GPATCH1: variants seen among roughly 807,000 people sequenced by gnomAD.
GPATCH1 encodes G-patch domain containing 1.
In GPATCH1, 73 loss-of-function variants were observed where a neutral mutation model predicts 114.9. The observed-to-expected ratio is 0.64, with a 90% CI of 0.53 to 0.77. The LOEUF (loss-of-function observed/expected upper bound fraction) is 0.77, where lower values mean the gene tolerates loss of function less well. Ranked by LOEUF, GPATCH1 falls within the 30% of genes least tolerant of loss-of-function variation. The pLI is 0.00. For missense variants in GPATCH1, 1,058 were observed against 1,144.3 expected (o/e 0.92, Z 1.09); for synonymous variants, 391 against 428.4 (o/e 0.91, Z 1.08).
chr19:33,085,438 C>T (rs1972525732), intron 1 of GPATCH1, among the ~76,000 whole-genome samples: 1 of 152,112 alleles, frequency 6.6e-6, no homozygotes, highest in South Asian at 2.1e-4. Context: ...ACCACTGCTT[C>T]TAATGACTCG....
At chr19:33,102,397 A>ATTT (rs35403942) in intron 9 of GPATCH1, among the ~76,000 whole-genome samples, 9 of 135,256 alleles carry the variant, frequency 6.7e-5, no homozygotes, top group East Asian at 2.2e-4. Flanking sequence ...TCTAATTTCT[A>ATTT]TTTTTTTTTT....
chr19:33,105,994 G>A (rs1401000073), intron 9 of GPATCH1, among the ~76,000 whole-genome samples: 1 of 150,636 alleles, frequency 6.6e-6, no homozygotes, highest in Admixed American at 6.6e-5. Context: ...GATTACAGGT[G>A]TGCGCTACCA....
At chr19:33,104,045 C>G (rs928503645) in intron 9 of GPATCH1, among the ~76,000 whole-genome samples, 1 of 151,810 alleles carries the variant, frequency 6.6e-6, no homozygotes, top group Non-Finnish European at 1.5e-5. Context: ...ACTTTCAATC[C>G]AAGACTGGGC....
In GPATCH1 at chr19:33,093,395, G is replaced by C; in HGVS notation, c.331G>C (p.Val111Leu). ...ATTTGGGATAGCACCTAAAGCGATTGTCACCACAGACGATTTTGCCTCCAA... is the reference window on the plus strand; with the variant it reads ...ATTTGGGATAGCACCTAAAGCGATTCTCACCACAGACGATTTTGCCTCCAA... ...SEFGIAPKAI[V>L]TTDDFASKTK... Residue 111 changes from valine to leucine, a missense_variant, in exon 4 of 20, where the codon GTC becomes CTC. This residue lies in a region of GPATCH1 where 34 missense variants were observed against 59.6 expected (regional missense o/e 0.57). Transcript: ENST00000170564. The C allele has an allele frequency of 6.2e-7, 1 of 1,613,376 alleles. No individual in the cohort carries two copies. The highest frequency in any genetic ancestry group is 1.1e-5 in the South Asian group (1 of 91,046).
intron 12 of GPATCH1, 80 bp downstream of exon 12, chr19:33,111,982 T>C: frequency 9.0e-7 from 1 of 1,109,012 alleles, no homozygotes; most frequent in South Asian, 1.5e-5. Flanking sequence ...TTCCTTTTTT[T>C]TGAGACGGAG....
chr19:33,095,872 G>A, intron 6 of GPATCH1, 52 bp downstream of exon 6: 1 of 1,281,044 alleles, frequency 7.8e-7, no homozygotes, highest in Non-Finnish European at 1.1e-6. Context: ...ACCTGTTTCT[G>A]TATGACTGTG....
intron 10 of GPATCH1, among the ~76,000 whole-genome samples, chr19:33,108,340 C>T (rs3826907): frequency 0.21 from 32,408 of 152,080 alleles, 5,054 homozygotes; most frequent in African/African-American, 0.43. Flanking sequence ...CGCCCCTGCC[C>T]GCCTTTCAGG....
At chr19:33,106,633 C>T in intron 9 of GPATCH1, 62 bp from the exon 10 acceptor site, 1 of 1,377,166 alleles carries the variant, frequency 7.3e-7, no homozygotes, top group South Asian at 1.2e-5. Context: ...ACAGGTTTTC[C>T]TGATTAAATC....
intron 1 of GPATCH1, among the ~76,000 whole-genome samples, chr19:33,086,318 C>T (rs1185999684): frequency 2.0e-5 from 3 of 152,130 alleles, no homozygotes; most frequent in South Asian, 4.1e-4. Context: ...TAACTGATTT[C>T]CCCCATGGCC....
rs1455008082 is a variant in GPATCH1, at chr19:33,096,310, A to G, written c.716A>G (p.Lys239Arg). 1 of 1,614,164 alleles carries G rather than the reference A, an allele frequency of 6.2e-7. No homozygotes were observed. Among genetic ancestry groups the G allele is most frequent in the South Asian group, 1.1e-5 (1 of 91,084 alleles). The change falls in exon 7 of 20, where the codon AAG (lysine) becomes AGG (arginine). Residue 239 changes from lysine (K) to arginine (R), a missense_variant. Physicochemically the swap from Lys to Arg is conservative, Grantham distance 26 (BLOSUM62 2). Around this residue, in one of 3 missense-constraint regions of GPATCH1, gnomAD observed 893 missense variants for 977.4 expected, o/e 0.91. Coordinates refer to ENST00000170564, the MANE Select transcript of GPATCH1 (RefSeq NM_018025.3). ...PKDNVHGLAY[K>R]GLDPHQALFG... ...GATAATGTGCATGGTCTAGCTTACA[A>G]GGGCCTGGATCCCCACCAGGCACTG... is the stretch of plus-strand genomic sequence containing the variant.
chr19:33,125,001 T>C, intron 17 of GPATCH1, 104 bp from the exon 18 acceptor site: 1 of 1,201,604 alleles, frequency 8.3e-7, no homozygotes, highest in Non-Finnish European at 1.2e-6. Flanking sequence ...TGTTAAACAT[T>C]CCATCTACAC....
At chr19:33,095,230 A>G (rs1972641932) in intron 5 of GPATCH1, among the ~76,000 whole-genome samples, 1 of 145,478 alleles carries the variant, frequency 6.9e-6, no homozygotes, top group East Asian at 2.0e-4. Context: ...AAATGTACCC[A>G]TGTACCTCTG....
At chr19:33,081,561 C>T (rs1010787464) in intron 1 of GPATCH1, among the ~76,000 whole-genome samples, 1 of 151,922 alleles carries the variant, frequency 6.6e-6, no homozygotes, top group Non-Finnish European at 1.5e-5. Flanking sequence ...AGTGTCTTCC[C>T]CGAGAGAGGA....
intron 9 of GPATCH1, 135 bp downstream of exon 9, chr19:33,101,709 G>C: frequency 1.6e-6 from 1 of 610,040 alleles, no homozygotes; most frequent in Non-Finnish European, 2.9e-6. Flanking sequence ...CTGGTTACTA[G>C]TGATTGTCTA....
intron 9 of GPATCH1, among the ~76,000 whole-genome samples, 178 bp downstream of exon 9, chr19:33,101,752 A>G (rs1972728767): frequency 6.6e-6 from 1 of 152,176 alleles, no homozygotes; most frequent in Non-Finnish European, 1.5e-5. Flanking sequence ...TACCAGGGCG[A>G]GGCGCAGTGG....
At chr19:33,081,320 A>T in intron 1 of GPATCH1, 54 bp downstream of exon 1, 1 of 1,396,608 alleles carries the variant, frequency 7.2e-7, no homozygotes, top group Non-Finnish European at 9.9e-7. Flanking sequence ...AGGGCCCAGG[A>T]TTCGGGCCAC....
intron 1 of GPATCH1, among the ~76,000 whole-genome samples, chr19:33,081,747 G>A (rs1429400080): frequency 6.6e-6 from 1 of 152,132 alleles, no homozygotes; most frequent in African/African-American, 2.4e-5. Context: ...GGGGGAGACA[G>A]GTAGAAAAGA....
chr19:33,093,448 T>G lies in GPATCH1; in HGVS notation c.384T>G (p.Ala128=). The G allele has an allele frequency of 6.2e-7, 1 of 1,613,900 alleles. No homozygotes were observed. Among genetic ancestry groups the G allele is most frequent in the Non-Finnish European group, 8.5e-7 (1 of 1,179,826 alleles). Residue 128 remains alanine, a synonymous_variant, in exon 4 of 20, where the codon GCT becomes GCG. Transcript: ENST00000170564. Reference sequence around the variant, plus strand: ...CCAAAGACAGAATACGAGAAAAGGCTAGGCAGTTGGCCGCTGCTACTGCCC... The same window carrying G: ...CCAAAGACAGAATACGAGAAAAGGCGAGGCAGTTGGCCGCTGCTACTGCCC... ...SKTKDRIREK[A]RQLAAATAPI...
At chr19:33,082,461 T>G (rs1972488957) in intron 1 of GPATCH1, among the ~76,000 whole-genome samples, 1 of 152,158 alleles carries the variant, frequency 6.6e-6, no homozygotes, top group Admixed American at 6.6e-5. Flanking sequence ...CTGGGATATC[T>G]CCACTTATGC....
Sources: allele counts gnomAD v4.1 joint callset (sites outside exome capture counted in the v4.1 genomes callset), GRCh38; gene constraint gnomAD v4.1.1; regional missense constraint gnomAD v4.1.1; transcripts MANE v1.5; gene names NCBI Gene and HGNC (gene_info 2026-07-23, HGNC 2026-07-21).